Variants in IQSEC1 observed in about 807,000 individuals in gnomAD.
IQSEC1 encodes IQ motif and SEC7 domain-containing protein 1.
In IQSEC1, 31 loss-of-function variants were observed where a neutral mutation model predicts 91.0. The observed-to-expected ratio is 0.34, with a 90% CI of 0.26 to 0.46. IQSEC1 has a LOEUF of 0.46. IQSEC1 is among the 20% of genes least tolerant of loss of function. The pLI, the probability that IQSEC1 is intolerant of heterozygous loss-of-function variation, is 1.00. For synonymous variants in IQSEC1, 699 were observed against 662.6 expected (o/e 1.05, Z -0.84); for missense variants, 1,388 against 1,575.6 (o/e 0.88, Z 2.02).
At chr3:13,194,066 C>T (rs1386380056) in intron 1 of IQSEC1, among the ~76,000 whole-genome samples, 1 of 152,170 alleles carries the variant, frequency 6.6e-6, no homozygotes, top group Non-Finnish European at 1.5e-5. Context: ...TGTCTGTGAC[C>T]TAATCCCCTC....
At chr3:12,995,019 C>T (rs1226928471) in intron 1 of IQSEC1, 2 of 152,316 alleles carry the variant, frequency 1.3e-5, no homozygotes, top group Non-Finnish European at 2.9e-5. Context: ...GGTCGCAGAG[C>T]AGACCTGCCC....
chr3:13,004,396 C>T (rs71306035), intron 1 of IQSEC1, among the ~76,000 whole-genome samples: 11 of 152,184 alleles, frequency 7.2e-5, no homozygotes, highest in East Asian at 5.8e-4. Flanking sequence ...AGCTGGGGGC[C>T]GGGGGAGCGC....
At chr3:13,034,777 T>C (rs1339755228) in intron 1 of IQSEC1, among the ~76,000 whole-genome samples, 2 of 152,234 alleles carry the variant, frequency 1.3e-5, no homozygotes, top group African/African-American at 4.8e-5. Flanking sequence ...CTCTGGGGTA[T>C]TTCTCACCTG....
At chr3:13,176,949 C>A (rs2125010969) in intron 1 of IQSEC1, among the ~76,000 whole-genome samples, 1 of 152,330 alleles carries the variant, frequency 6.6e-6, no homozygotes, top group South Asian at 2.1e-4. Flanking sequence ...AAGCCAGGTA[C>A]AACAGGTACA....
chr3:13,225,354 T>C (rs1559280885), intron 1 of IQSEC1, among the ~76,000 whole-genome samples: 2 of 152,230 alleles, frequency 1.3e-5, no homozygotes, highest in South Asian at 4.1e-4. Context: ...GCACCAAAGA[T>C]GGAACAGTGT....
At chr3:12,917,933 C>T (rs1696261769) in intron 6 of IQSEC1, among the ~76,000 whole-genome samples, 1 of 152,266 alleles carries the variant, frequency 6.6e-6, no homozygotes, top group Non-Finnish European at 1.5e-5. Flanking sequence ...AGGGCTCTCC[C>T]GCTGCGGGAC....
chr3:13,280,344 T>A (rs557705512), intron 1 of IQSEC1, among the ~76,000 whole-genome samples: 1 of 152,192 alleles, frequency 6.6e-6, no homozygotes, highest in Non-Finnish European at 1.5e-5. Flanking sequence ...GGTTATCCCA[T>A]GTTCCTTAGG....
At chr3:13,144,986 C>T (rs1706864348) in intron 2 of IQSEC1, among the ~76,000 whole-genome samples, 1 of 152,308 alleles carries the variant, frequency 6.6e-6, no homozygotes, top group South Asian at 2.1e-4. Flanking sequence ...GAAAAGGCAG[C>T]GGCCAGTCCC....
At chr3:13,075,631 C>T (rs1262216813), upstream of IQSEC1, among the ~76,000 whole-genome samples, 3 of 152,232 alleles carry the variant, frequency 2.0e-5, no homozygotes, top group Non-Finnish European at 4.4e-5. Flanking sequence ...CCATGTTATG[C>T]TGTTATTTCA....
upstream of IQSEC1, among the ~76,000 whole-genome samples, chr3:13,076,363 A>AG (rs1165425060): frequency 1.3e-5 from 2 of 152,160 alleles, no homozygotes; most frequent in Admixed American, 1.3e-4. Flanking sequence ...GCAGCTGCCA[A>AG]GGGGTAAGTC....
intron 2 of IQSEC1, among the ~76,000 whole-genome samples, chr3:13,158,213 G>A (rs1024757652): frequency 6.6e-6 from 1 of 152,292 alleles, no homozygotes; most frequent in South Asian, 2.1e-4. Context: ...AGAGGGACCC[G>A]GCCCAGCCCC....
intron 1 of IQSEC1, among the ~76,000 whole-genome samples, chr3:13,278,060 G>A (rs893826102): frequency 3.3e-5 from 5 of 152,138 alleles, no homozygotes; most frequent in Non-Finnish European, 7.3e-5. Flanking sequence ...GCCGCCGTAC[G>A]GTTAATGTCA....
chr3:13,038,262 GTA>G (rs58338571), intron 1 of IQSEC1, among the ~76,000 whole-genome samples: 12,075 of 100,716 alleles, frequency 0.12, 750 homozygotes, highest in Non-Finnish European at 0.16. Context: ...GTGTGTGTGT[GTA>G]TATATATATA....
chr3:12,942,649 A>C (rs1055835470), intron 1 of IQSEC1, among the ~76,000 whole-genome samples: 1 of 152,162 alleles, frequency 6.6e-6, no homozygotes, highest in African/African-American at 2.4e-5. Context: ...GCGATTCTGT[A>C]CTGTATGCCT....
At chr3:12,963,231 T>C (rs959108884) in intron 1 of IQSEC1, among the ~76,000 whole-genome samples, 2 of 152,176 alleles carry the variant, frequency 1.3e-5, no homozygotes, top group African/African-American at 2.4e-5. Flanking sequence ...GACCTTAAGT[T>C]CAAATCAAAC....
intron 1 of IQSEC1, among the ~76,000 whole-genome samples, chr3:13,250,152 CA>C (rs1243000302): frequency 6.6e-6 from 1 of 152,204 alleles, no homozygotes; most frequent in Admixed American, 6.5e-5. Context: ...CACAGGCTTT[CA>C]GGGGACACAG....
chr3:12,904,854 G>C (rs1271364312), intron 12 of IQSEC1, among the ~76,000 whole-genome samples: 1 of 152,138 alleles, frequency 6.6e-6, no homozygotes, highest in Non-Finnish European at 1.5e-5. Flanking sequence ...TGGGGTTGGG[G>C]GTCCACATAG....
At chr3:12,953,378 G>A (rs1459085559) in intron 1 of IQSEC1, among the ~76,000 whole-genome samples, 2 of 152,196 alleles carry the variant, frequency 1.3e-5, no homozygotes, top group Admixed American at 6.5e-5. Flanking sequence ...ACATGCCCCC[G>A]CCCTGGCCTC....
intron 1 of IQSEC1, among the ~76,000 whole-genome samples, chr3:13,221,993 AG>A (rs929750673): frequency 2.1e-4 from 32 of 152,236 alleles, no homozygotes; most frequent in Non-Finnish European, 1.8e-4. Context: ...TGCAACCCCC[AG>A]AGGAGTGTCC....
Sources: allele counts gnomAD v4.1 joint callset (sites outside exome capture counted in the v4.1 genomes callset), GRCh38; gene constraint gnomAD v4.1.1; transcripts MANE v1.5; gene names NCBI Gene and HGNC (gene_info 2026-07-23, HGNC 2026-07-21).